Variants in ATRNL1 observed in about 807,000 individuals in gnomAD.
The protein encoded by ATRNL1 is attractin like 1.
ATRNL1 carries 95 observed loss-of-function variants against 182.7 expected under a neutral mutation model. The ratio of observed to expected loss-of-function variants is 0.52; its 90% CI spans 0.44 to 0.62. The LOEUF (loss-of-function observed/expected upper bound fraction) is 0.62. Among genes scored for constraint, ATRNL1 ranks in the 20% least tolerant of loss-of-function variants. ATRNL1 has a pLI of 0.00. For synonymous variants in ATRNL1, 576 were observed against 568.3 expected (o/e 1.01, Z -0.19); for missense variants, 1,471 against 1,679.5 (o/e 0.88, Z 2.17).
chr10:115,600,369 TC>T (rs1555015517), intron 26 of ATRNL1, among the ~76,000 whole-genome samples: 1 of 152,168 alleles, frequency 6.6e-6, no homozygotes, highest in African/African-American at 2.4e-5. Flanking sequence ...TTTCACCTAT[TC>T]CATGTGAGAG....
In ATRNL1 at chr10:115,315,710, A is replaced by G; in HGVS notation, c.3011A>G (p.Tyr1004Cys). Residue 1004 changes from tyrosine to cysteine, a missense_variant, in exon 18 of 29, where the codon TAT (tyrosine) becomes TGT (cysteine). By Grantham distance (194) the Tyr-to-Cys change is radical. Coordinates refer to ENST00000355044, the MANE Select transcript of ATRNL1 (RefSeq NM_207303.4). ...AATCTTTGCCCCAAAGAAAAGAACT[A>G]TGAGTGGTCCTTTATCCAGTGTCCA... ...DTNLCPKEKN[Y>C]EWSFIQCPAC... 8.1e-6 allele frequency: 13 copies of G among 1,613,432 alleles called. No individual in the cohort carries two copies. Among genetic ancestry groups the G allele is most frequent in the Non-Finnish European group, 8.5e-6 (10 of 1,179,800 alleles).
chr10:115,622,782 C>T (rs1857852057), intron 26 of ATRNL1, among the ~76,000 whole-genome samples: 1 of 152,124 alleles, frequency 6.6e-6, no homozygotes, highest in African/African-American at 2.4e-5. Context: ...AAAAAATTAG[C>T]CAGGCAAGGT....
At chr10:115,940,306 C>T (rs563053174) in intron 28 of ATRNL1, among the ~76,000 whole-genome samples, 21 of 152,270 alleles carry the variant, frequency 1.4e-4, no homozygotes, top group Non-Finnish European at 2.6e-4. Context: ...TTAATCAAGT[C>T]CTGGCCATTT....
intron 26 of ATRNL1, among the ~76,000 whole-genome samples, chr10:115,642,826 T>A (rs2133861007): frequency 6.6e-6 from 1 of 152,268 alleles, no homozygotes; most frequent in Middle Eastern, 3.4e-3. Context: ...CTGAGCAATT[T>A]TGAGAAAGAA....
chr10:115,659,246 C>G (rs1860525966), intron 26 of ATRNL1, among the ~76,000 whole-genome samples: 2 of 152,204 alleles, frequency 1.3e-5, no homozygotes, highest in East Asian at 3.9e-4. Context: ...TTTCCCTGCA[C>G]TCTGCCCACA....
chr10:115,569,395 G>T (rs1193367905), intron 26 of ATRNL1, among the ~76,000 whole-genome samples: 1 of 152,076 alleles, frequency 6.6e-6, no homozygotes, highest in African/African-American at 2.4e-5. Context: ...CTTGCTTAAT[G>T]GAAATTATAT....
chr10:115,389,881 T>C (rs1592581287), intron 19 of ATRNL1, among the ~76,000 whole-genome samples: 1 of 152,078 alleles, frequency 6.6e-6, no homozygotes, highest in Non-Finnish European at 1.5e-5. Context: ...ATTTTGATAA[T>C]AGCCACTTAA....
chr10:115,316,803 C>A (rs533505939), intron 18 of ATRNL1, among the ~76,000 whole-genome samples: 21 of 152,082 alleles, frequency 1.4e-4, no homozygotes, highest in South Asian at 8.3e-4. Flanking sequence ...CTTGTAAATT[C>A]TGGATATTAG....
At chr10:115,212,669 G>A (rs572453197) in intron 8 of ATRNL1, among the ~76,000 whole-genome samples, 3 of 151,990 alleles carry the variant, frequency 2.0e-5, no homozygotes, top group Non-Finnish European at 4.4e-5. Flanking sequence ...ATGCAGCCAC[G>A]AAAAAGAAAG....
At chr10:115,634,758 A>G (rs1858753241) in intron 26 of ATRNL1, among the ~76,000 whole-genome samples, 1 of 152,176 alleles carries the variant, frequency 6.6e-6, no homozygotes, top group Non-Finnish European at 1.5e-5. Flanking sequence ...GATGCATTTT[A>G]TCACTTCTAA....
intron 26 of ATRNL1, among the ~76,000 whole-genome samples, chr10:115,695,864 G>A (rs1555049610): frequency 6.6e-6 from 1 of 151,932 alleles, no homozygotes; most frequent in Non-Finnish European, 1.5e-5. Flanking sequence ...CTATTTTTAT[G>A]GCTGCATGGT....
At chr10:115,096,754 G>C (rs2085021129) in intron 1 of ATRNL1, 1 of 1,278,588 alleles carries the variant, frequency 7.8e-7, no homozygotes, top group Non-Finnish European at 1.0e-6. Context: ...TGGTACTTCA[G>C]TTCTCTTAGC....
intron 28 of ATRNL1, among the ~76,000 whole-genome samples, chr10:115,858,786 T>TA (rs1472518526): frequency 2.2e-4 from 34 of 152,066 alleles, no homozygotes; most frequent in East Asian, 7.7e-4. Flanking sequence ...TGCCAATTGG[T>TA]AAAAAAAATT....
intron 8 of ATRNL1, among the ~76,000 whole-genome samples, chr10:115,184,567 A>G (rs1485615556): frequency 6.6e-6 from 1 of 151,748 alleles, no homozygotes; most frequent in African/African-American, 2.4e-5. Flanking sequence ...CCAGAAAACA[A>G]GTATGTTGGT....
At chr10:115,559,557 A>G (rs1456521965) in intron 26 of ATRNL1, among the ~76,000 whole-genome samples, 1 of 152,176 alleles carries the variant, frequency 6.6e-6, no homozygotes, top group East Asian at 1.9e-4. Flanking sequence ...TATTTCTCCA[A>G]GGATCTCTGG....
At chr10:115,340,459 TTCTTTTCTTTTCTTTTC>T (rs1304143196) in intron 19 of ATRNL1, among the ~76,000 whole-genome samples, 8 of 134,234 alleles carry the variant, frequency 6.0e-5, no homozygotes, top group African/African-American at 2.3e-4. Context: ...TTCTTTTTTT[TTCTTTTCTTTTCTTTTC>T]TTTTTTTTTT....
At chr10:115,455,334 C>T (rs530185205) in intron 21 of ATRNL1, among the ~76,000 whole-genome samples, 8 of 152,098 alleles carry the variant, frequency 5.3e-5, no homozygotes, top group African/African-American at 1.7e-4. Flanking sequence ...TAATACCACA[C>T]GTCTACAACC....
intron 26 of ATRNL1, among the ~76,000 whole-genome samples, chr10:115,564,810 T>C (rs1355058554): frequency 6.6e-6 from 1 of 151,982 alleles, no homozygotes. Context: ...TATACATCTT[T>C]TTCTACATTA....
At chr10:115,163,239 A>G (rs922996045) in intron 6 of ATRNL1, among the ~76,000 whole-genome samples, 1 of 151,772 alleles carries the variant, frequency 6.6e-6, no homozygotes, top group Non-Finnish European at 1.5e-5. Context: ...ACTGCAGAAT[A>G]GGGGCTCAGG....
Sources: gnomAD v4.1 joint callset for allele counts (sites outside exome capture counted in the v4.1 genomes callset) on GRCh38, gnomAD v4.1.1 for gene constraint, MANE v1.5 for transcripts, NCBI Gene and HGNC (gene_info 2026-07-23, HGNC 2026-07-21) for gene names.